Variants in PCYOX1 observed in about 807,000 individuals in gnomAD.
PCYOX1 encodes prenylcysteine oxidase 1.
A neutral mutation model predicts 46.4 loss-of-function variants in PCYOX1; 46 were observed. The ratio of observed to expected loss-of-function variants is 0.99; its 90% CI spans 0.78 to 1.27. PCYOX1 has a LOEUF of 1.27. Among genes scored for constraint, PCYOX1 ranks in the 50% most tolerant of loss-of-function variants. The probability of loss-of-function intolerance (pLI) is 0.00; values close to 1 mark genes in which losing one functional copy is unlikely to be tolerated. For missense variants in PCYOX1, 658 were observed against 628.3 expected (o/e 1.05, Z -0.51); for synonymous variants, 220 against 231.8 (o/e 0.95, Z 0.46).
chr2:70,267,315 G>A (rs1416684243), intron 3 of PCYOX1, among the ~76,000 whole-genome samples: 1 of 151,872 alleles, frequency 6.6e-6, no homozygotes, highest in South Asian at 2.1e-4. Flanking sequence ...CTGGGCGGCC[G>A]GGCAGAGGAG....
At chr2:70,264,400 C>T (rs1457704965) in intron 3 of PCYOX1, among the ~76,000 whole-genome samples, 31 of 151,738 alleles carry the variant, frequency 2.0e-4, no homozygotes, top group Non-Finnish European at 1.5e-5. Context: ...AATCTCGGCT[C>T]ACTGCAACCT....
chr2:70,265,380 A>G (rs1036386717), intron 3 of PCYOX1, among the ~76,000 whole-genome samples: 1 of 151,926 alleles, frequency 6.6e-6, no homozygotes, highest in East Asian at 1.9e-4. Context: ...TTGTAGAGAC[A>G]GGGTGTTGCC....
chr2:70,273,146 G>T (rs1288753432), intron 3 of PCYOX1, among the ~76,000 whole-genome samples: 1 of 152,320 alleles, frequency 6.6e-6, no homozygotes, highest in East Asian at 1.9e-4. Flanking sequence ...GGCAGGAGCA[G>T]TTGGGGAATA....
chr2:70,258,451 C>G (rs1696381098), intron 1 of PCYOX1, 175 bp downstream of exon 1: 2 of 334,876 alleles, frequency 6.0e-6, no homozygotes, highest in Admixed American at 1.1e-4. Context: ...CAGCTCTGGT[C>G]GGAATAGGAC....
intron 3 of PCYOX1, among the ~76,000 whole-genome samples, chr2:70,261,800 C>CA (rs1343463232): frequency 6.6e-6 from 1 of 152,146 alleles, no homozygotes; most frequent in Non-Finnish European, 1.5e-5. Context: ...TTTGAGTCTT[C>CA]ACTCTTAATC....
Position 70,277,482 on chromosome 2 carries a change from A to C in PCYOX1, c.*90A>C. The C allele has an allele frequency of 9.5e-7, 1 of 1,054,532 alleles. No individual in the cohort carries two copies. 65.3% of individuals were successfully genotyped at this position (1,054,532 alleles called of 1,614,324 possible). A position where few individuals can be genotyped will look rare whatever the true frequency, so the allele number is the denominator to read the frequency against. Reference sequence around the variant, plus strand: ...CTGAGCAGAGATGATTTTGAACCAGATATTTTGCCATTATCATTGTTTAAT... The same window carrying C: ...CTGAGCAGAGATGATTTTGAACCAGCTATTTTGCCATTATCATTGTTTAAT... On this transcript the variant is annotated 3_prime_UTR_variant, in exon 6 of 6. Coordinates refer to ENST00000433351, the MANE Select transcript of PCYOX1 (RefSeq NM_016297.4).
Position 70,276,874 on chromosome 2 carries a change from G to T in PCYOX1, c.1000G>T (p.Glu334Ter), listed in dbSNP as rs200244897. ...ITFLNFDPPI[E>*]EFHQYYQHIV... Reference sequence around the variant, plus strand: ...TTTTCTCAACTTTGATCCTCCAATTGAGGAATTCCATCAATATTATCAACA... The same window carrying T: ...TTTTCTCAACTTTGATCCTCCAATTTAGGAATTCCATCAATATTATCAACA... The change falls in exon 6 of 6, where the codon GAG becomes TAG. Residue 334 changes from glutamate (E) to a stop codon, truncating the protein, a stop_gained. Transcript: ENST00000433351. LOFTEE classifies it high-confidence loss of function. 5.6e-6 allele frequency: 9 copies of T among 1,613,330 alleles called. No homozygotes were observed. Among genetic ancestry groups the T allele is most frequent in the African/African-American group, 2.7e-5 (2 of 74,904 alleles).
intron 1 of PCYOX1, 200 bp downstream of exon 1, chr2:70,258,476 C>G: frequency 1.4e-5 from 3 of 217,600 alleles, no homozygotes; most frequent in Non-Finnish European, 1.8e-5. Flanking sequence ...CATTCCCAGG[C>G]GTGGAGAGGT....
upstream of PCYOX1, chr2:70,257,971 T>TGAGTGGCCCA (rs1432692869): frequency 1.6e-5 from 7 of 450,340 alleles, no homozygotes; most frequent in East Asian, 8.0e-5. Flanking sequence ...CTTAGGGCAC[T>TGAGTGGCCCA]GAGTGGCCCA....
At chr2:70,261,474 A>C in intron 3 of PCYOX1, 88 bp downstream of exon 3, 1 of 941,618 alleles carries the variant, frequency 1.1e-6, no homozygotes, top group Admixed American at 2.3e-5. Context: ...GATTTCTTGT[A>C]AGCATTTTCT....
At chr2:70,260,986 T>C (rs926338805) in intron 2 of PCYOX1, among the ~76,000 whole-genome samples, 1 of 152,250 alleles carries the variant, frequency 6.6e-6, no homozygotes, top group African/African-American at 2.4e-5. Flanking sequence ...GGTAAAAATA[T>C]ATCTACTTTT....
intron 3 of PCYOX1, among the ~76,000 whole-genome samples, chr2:70,262,513 T>A (rs966394741): frequency 7.7e-6 from 1 of 130,364 alleles, no homozygotes; most frequent in African/African-American, 3.0e-5. Context: ...GGAGTTTTGC[T>A]CTGTCGCCCG....
At chr2:70,267,634 C>T (rs531737681) in intron 3 of PCYOX1, among the ~76,000 whole-genome samples, 40 of 152,234 alleles carry the variant, frequency 2.6e-4, no homozygotes, top group African/African-American at 9.1e-4. Context: ...CCAAAAAATA[C>T]GAAAACCAGT....
Position 70,277,469 on chromosome 2 carries a change from G to A in PCYOX1, c.*77G>A. The A allele has an allele frequency of 8.5e-7, 1 of 1,176,272 alleles. No individual in the cohort carries two copies. Among genetic ancestry groups the A allele is most frequent in the Non-Finnish European group, 1.2e-6 (1 of 823,472 alleles). 72.9% of individuals were successfully genotyped at this position (1,176,272 alleles called of 1,614,324 possible). On this transcript the variant is annotated 3_prime_UTR_variant, in exon 6 of 6. Transcript: ENST00000433351. Reference sequence around the variant, plus strand: ...AAAAGAACAAAATCTGAGCAGAGATGATTTTGAACCAGATATTTTGCCATT... The same window carrying A: ...AAAAGAACAAAATCTGAGCAGAGATAATTTTGAACCAGATATTTTGCCATT...
chr2:70,277,517 C>A lies in PCYOX1; in HGVS notation c.*125C>A. ...ATTATCATTGTTTAATAAAAGTAAT[C>A]CCTGCTGGTCATAGGAAAACACACG... On this transcript the variant is annotated 3_prime_UTR_variant, in exon 6 of 6. Coordinates refer to ENST00000433351, the MANE Select transcript of PCYOX1 (RefSeq NM_016297.4). The A allele has an allele frequency of 1.3e-6, 1 of 755,684 alleles. No individual in the cohort carries two copies. Among genetic ancestry groups the A allele is most frequent in the Non-Finnish European group, 2.2e-6 (1 of 457,316 alleles). The allele number at this position is 755,684 out of a possible 1,614,324, so 46.8% of individuals were successfully genotyped here.
intron 3 of PCYOX1, among the ~76,000 whole-genome samples, chr2:70,269,061 G>C (rs1192156947): frequency 2.0e-5 from 3 of 152,006 alleles, no homozygotes; most frequent in Non-Finnish European, 4.4e-5. Context: ...TTGAAAATGG[G>C]ATATTGAAGT....
At chr2:70,260,324 A>G (rs7597473) in intron 2 of PCYOX1, among the ~76,000 whole-genome samples, 12,533 of 152,188 alleles carry the variant, frequency 0.082, 538 homozygotes, top group East Asian at 0.18. Context: ...GCAGAGGATC[A>G]CTTGAGCCCA....
chr2:70,261,856 C>T (rs1199179637), intron 3 of PCYOX1, among the ~76,000 whole-genome samples: 1 of 152,116 alleles, frequency 6.6e-6, no homozygotes, highest in African/African-American at 2.4e-5. Context: ...ATAATGTGTA[C>T]AAGAGCTTGT....
At chr2:70,276,213 CAGGCCGG>C (rs1696669345) in intron 5 of PCYOX1, among the ~76,000 whole-genome samples, 1 of 151,404 alleles carries the variant, frequency 6.6e-6, no homozygotes, top group African/African-American at 2.4e-5. Flanking sequence ...CTCTTTTGCC[CAGGCCGG>C]ACTGTAGTGG....
Sources: allele counts gnomAD v4.1 joint callset (sites outside exome capture counted in the v4.1 genomes callset), GRCh38; gene constraint gnomAD v4.1.1; transcripts MANE v1.5; gene names NCBI Gene and HGNC (gene_info 2026-07-23, HGNC 2026-07-21).